The following TMEM74 variants were observed in gnomAD, a reference collection of about 807,000 sequenced individuals.
TMEM74 encodes the protein transmembrane protein 74.
A neutral mutation model predicts 18.1 loss-of-function variants in TMEM74; 13 were observed. The observed-to-expected ratio is 0.72, with a 90% CI of 0.47 to 1.14. The LOEUF (loss-of-function observed/expected upper bound fraction) is 1.14, where lower values mean the gene tolerates loss of function less well. TMEM74 is among the 50% of genes most tolerant of loss of function. The probability of loss-of-function intolerance (pLI) is 0.00; values close to 1 mark genes in which losing one functional copy is unlikely to be tolerated. For synonymous variants in TMEM74, 159 were observed against 146.6 expected (o/e 1.08, Z -0.61); for missense variants, 372 against 375.9 (o/e 0.99, Z 0.09).
At chr8:108,678,909 C>G (rs756543402) in intron 1 of TMEM74, among the ~76,000 whole-genome samples, 6 of 129,494 alleles carry the variant, frequency 4.6e-5, no homozygotes, top group Non-Finnish European at 9.7e-5. Context: ...CCCCCCACCC[C>G]ACAACAGTAC....
chr8:108,752,122 G>A (rs1395315550), intron 1 of TMEM74, among the ~76,000 whole-genome samples: 6 of 152,090 alleles, frequency 3.9e-5, no homozygotes, highest in Non-Finnish European at 8.8e-5. Context: ...ACTTCTAAAT[G>A]ATGAAAAGGA....
At chr8:108,633,115 A>AATCTGTCATC (rs1255609439) in intron 2 of TMEM74, among the ~76,000 whole-genome samples, 1 of 151,976 alleles carries the variant, frequency 6.6e-6, no homozygotes, top group Non-Finnish European at 1.5e-5. Flanking sequence ...TTCTGTGAAA[A>AATCTGTCATC]ATCTGTCATC....
intron 2 of TMEM74, among the ~76,000 whole-genome samples, chr8:108,635,931 T>G (rs956686901): frequency 6.6e-6 from 1 of 152,142 alleles, no homozygotes; most frequent in African/African-American, 2.4e-5. Flanking sequence ...ATTTTTGTGA[T>G]GTCCTTTCCT....
chr8:108,761,831 T>C (rs149158608), intron 1 of TMEM74, among the ~76,000 whole-genome samples: 209 of 152,212 alleles, frequency 1.4e-3, no homozygotes, highest in African/African-American at 4.5e-3. Context: ...TTACAAAAAA[T>C]ATACAAATAG....
intron 1 of TMEM74, among the ~76,000 whole-genome samples, chr8:108,657,892 ATATATATATATT>A (rs1807187136): frequency 4.1e-5 from 5 of 121,978 alleles, no homozygotes; most frequent in Non-Finnish European, 6.7e-5. Flanking sequence ...ATATATATAT[ATATATATATATT>A]AATTACATAT....
At chr8:108,647,713 G>C (rs1008478092) in intron 2 of TMEM74, among the ~76,000 whole-genome samples, 1 of 152,078 alleles carries the variant, frequency 6.6e-6, no homozygotes, top group Non-Finnish European at 1.5e-5. Context: ...CTAAGTCACA[G>C]AGAAAGTGTG....
intron 1 of TMEM74, among the ~76,000 whole-genome samples, chr8:108,758,392 C>A (rs1188876989): frequency 6.6e-6 from 1 of 151,950 alleles, no homozygotes; most frequent in Non-Finnish European, 1.5e-5. Context: ...ACTCTCTTGA[C>A]CTCAGTTGGG....
chr8:108,706,801 G>GTC (rs1239989950), intron 1 of TMEM74, among the ~76,000 whole-genome samples: 2 of 151,624 alleles, frequency 1.3e-5, no homozygotes, highest in African/African-American at 4.9e-5. Flanking sequence ...GTGTGTGTGT[G>GTC]TGTGTGTGTA....
chr8:108,760,181 A>G (rs1214624088), intron 1 of TMEM74, among the ~76,000 whole-genome samples: 2 of 151,622 alleles, frequency 1.3e-5, no homozygotes, highest in East Asian at 2.0e-4. Flanking sequence ...AGAGGGAGAG[A>G]GAGAGGGAGA....
At chr8:108,690,210 C>T (rs1391323116) in intron 1 of TMEM74, among the ~76,000 whole-genome samples, 1 of 152,072 alleles carries the variant, frequency 6.6e-6, no homozygotes, top group Non-Finnish European at 1.5e-5. Context: ...ATCAGTTTAG[C>T]TGTCTTGAGT....
chr8:108,717,942 GTTTTTTTTTTTTTTTTTTTTTT>G (rs869263977), intron 1 of TMEM74, among the ~76,000 whole-genome samples: 1 of 45,920 alleles, frequency 2.2e-5, no homozygotes, highest in African/African-American at 1.2e-4. Context: ...TCTGACTTAG[GTTTTTTTTTTTTTTTTTTTTTT>G]TTTTTTTTTT....
chr8:108,745,204 G>A (rs1460049831), intron 1 of TMEM74, among the ~76,000 whole-genome samples: 2 of 152,044 alleles, frequency 1.3e-5, no homozygotes, highest in African/African-American at 4.8e-5. Context: ...AGGTTCCTGT[G>A]CAGATCAAAC....
chr8:108,663,340 C>G (rs1181664337), intron 1 of TMEM74, among the ~76,000 whole-genome samples: 1 of 152,044 alleles, frequency 6.6e-6, no homozygotes, highest in African/African-American at 2.4e-5. Flanking sequence ...GACATTCATG[C>G]GGTCAACAAA....
intron 2 of TMEM74, among the ~76,000 whole-genome samples, chr8:108,614,730 G>T (rs1480669615): frequency 6.6e-6 from 1 of 152,150 alleles, no homozygotes; most frequent in Non-Finnish European, 1.5e-5. Context: ...CTGCATTGGG[G>T]TGAGGGGCCA....
chr8:108,751,813 A>G lies in TMEM74; in HGVS notation n.119+35663T>C, dbSNP rs184752780. Among the ~76,000 whole-genome samples the G allele has an allele frequency of 5.3e-5, 8 of 152,220 alleles. No individual in the cohort carries two copies. In the East Asian group the frequency reaches 1.4e-3, roughly 26 times the overall value. ...ATAAATTTCCCCTAAATTCATCTCT[A>G]TAGATGATATACTGCCAATCAGAAT... is the stretch of plus-strand genomic sequence containing the variant. On this transcript the variant is annotated intron_variant and non_coding_transcript_variant, in intron 1 of 3. Coordinates refer to the TMEM74 transcript ENST00000518838.
chr8:108,721,734 C>G (rs1457716021), intron 1 of TMEM74, among the ~76,000 whole-genome samples: 1 of 152,170 alleles, frequency 6.6e-6, no homozygotes, highest in Non-Finnish European at 1.5e-5. Flanking sequence ...GCAAATTTAT[C>G]TTGTTCACCG....
chr8:108,768,221 C>CTAA (rs1814131801), intron 1 of TMEM74, among the ~76,000 whole-genome samples: 1 of 152,110 alleles, frequency 6.6e-6, no homozygotes, highest in Non-Finnish European at 1.5e-5. Context: ...TGGCTAGTGA[C>CTAA]TAATAATTCA....
chr8:108,669,646 A>G (rs1030261098), intron 1 of TMEM74, among the ~76,000 whole-genome samples: 1 of 70,570 alleles, frequency 1.4e-5, no homozygotes, highest in Non-Finnish European at 2.6e-5. Flanking sequence ...GAAAGTTTAT[A>G]TACTTGACTA....
At chr8:108,755,070 T>C (rs548985882) in intron 1 of TMEM74, among the ~76,000 whole-genome samples, 2 of 152,172 alleles carry the variant, frequency 1.3e-5, no homozygotes, top group Admixed American at 1.3e-4. Flanking sequence ...TTAGCCAAAA[T>C]ATCTGGGCTC....
Sources: allele counts gnomAD v4.1 joint callset (sites outside exome capture counted in the v4.1 genomes callset), GRCh38; gene constraint gnomAD v4.1.1; transcripts MANE v1.5; gene names NCBI Gene and HGNC (gene_info 2026-07-23, HGNC 2026-07-21).